Variants in ABCC1 observed in about 807,000 individuals in gnomAD.
ABCC1 encodes ATP binding cassette subfamily C member 1 (ABCC1 blood group).
Under a neutral mutation model 172.9 loss-of-function variants are expected in ABCC1, and 83 were observed. The observed-to-expected ratio is 0.48, with a 90% CI of 0.40 to 0.58. The LOEUF is 0.58. Ranked by LOEUF, ABCC1 falls within the 20% of genes least tolerant of loss-of-function variation. The pLI is 0.00. For missense variants in ABCC1, 1,817 were observed against 2,002.7 expected, an observed-to-expected ratio of 0.91 and a Z score of 1.77; for synonymous variants, 937 against 825.2, an observed-to-expected ratio of 1.14 and a Z score of -2.32.
Position 15,962,438 on chromosome 16 carries a change from T to A in ABCC1, c.48+12639T>A, listed in dbSNP as rs1405661448. Among the ~76,000 whole-genome samples, 4 of 152,164 alleles carry A rather than the reference T, an allele frequency of 2.6e-5. No individual in the cohort carries two copies. In the East Asian group the frequency reaches 7.7e-4, roughly 29 times the overall value. On this transcript the variant is annotated intron_variant, in intron 1 of 30. Coordinates refer to ENST00000399410, the MANE Select transcript of ABCC1 (RefSeq NM_004996.4). Reference sequence around the variant, plus strand: ...GTGTTCCATATGACAGAACAAACAATACAAAGATATTTAAATAAAGCCTGA... The same window carrying A: ...GTGTTCCATATGACAGAACAAACAAAACAAAGATATTTAAATAAAGCCTGA...
intron 29 of ABCC1, among the ~76,000 whole-genome samples, chr16:16,137,652 A>C (rs1214953488): frequency 7.2e-6 from 1 of 139,644 alleles, no homozygotes; most frequent in African/African-American, 2.7e-5. Context: ...CCCCAGGCTC[A>C]AGCAATTGTT....
At chr16:16,077,896 G>C (rs950778446) in intron 15 of ABCC1, among the ~76,000 whole-genome samples, 1 of 152,236 alleles carries the variant, frequency 6.6e-6, no homozygotes, top group African/African-American at 2.4e-5. Context: ...GGTGGTGCAT[G>C]CCTGTAATCC....
intron 1 of ABCC1, among the ~76,000 whole-genome samples, chr16:15,995,545 G>A (rs1337386139): frequency 1.3e-5 from 2 of 150,922 alleles, no homozygotes; most frequent in Non-Finnish European, 2.9e-5. Context: ...AGTTTTGGCC[G>A]CTTTGCATAA....
intron 14 of ABCC1, among the ~76,000 whole-genome samples, chr16:16,075,983 C>T (rs2050547455): frequency 6.8e-6 from 1 of 147,682 alleles, no homozygotes; most frequent in Non-Finnish European, 1.5e-5. Context: ...CTGCCCCGAA[C>T]CTGCCTGAGA....
chr16:16,115,732 C>T (rs919981702), intron 23 of ABCC1, among the ~76,000 whole-genome samples: 2 of 151,812 alleles, frequency 1.3e-5, no homozygotes, highest in African/African-American at 4.9e-5. Context: ...CTAATAGCAG[C>T]CTAAATAAGA....
At chr16:16,101,076 G>A (rs906178772) in intron 19 of ABCC1, among the ~76,000 whole-genome samples, 5 of 151,440 alleles carry the variant, frequency 3.3e-5, no homozygotes, top group African/African-American at 1.2e-4. Flanking sequence ...CTGTCACCCA[G>A]GCTGGAGTGT....
intron 19 of ABCC1, among the ~76,000 whole-genome samples, chr16:16,095,920 A>G (rs765214609): frequency 2.0e-5 from 3 of 152,162 alleles, no homozygotes; most frequent in Non-Finnish European, 4.4e-5. Context: ...AGTTTTTCTT[A>G]ATGATTATAA....
intron 5 of ABCC1, among the ~76,000 whole-genome samples, chr16:16,026,094 G>A (rs2048357834): frequency 6.6e-6 from 1 of 152,208 alleles, no homozygotes; most frequent in South Asian, 2.1e-4. Context: ...TACTTCAGAA[G>A]TTAGTTGTCT....
At position 15,997,867 on chromosome 16, in the gene ABCC1, A is replaced by G. The variant is rs148412479; in HGVS notation, c.49-9949A>G. On this transcript the variant is annotated intron_variant, in intron 1 of 30. Coordinates refer to ENST00000399410, the MANE Select transcript of ABCC1 (RefSeq NM_004996.4). Reference sequence around the variant, plus strand: ...CTCGCTCTGTCACCCAGGCTGGAGGACAATGACCTGATCTCTGCTCACTGC... The same window carrying G: ...CTCGCTCTGTCACCCAGGCTGGAGGGCAATGACCTGATCTCTGCTCACTGC... 4.5e-4 allele frequency among the ~76,000 whole-genome samples: 59 copies of G among 130,062 alleles called. 1 individual carries two copies. The East Asian group carries it at 0.013, about 29-fold the overall frequency. The allele number at this position is 130,062 out of a possible 152,430, so 85.3% of individuals were successfully genotyped here.
intron 10 of ABCC1, among the ~76,000 whole-genome samples, chr16:16,048,872 A>G (rs999154142): frequency 6.6e-6 from 1 of 152,138 alleles, no homozygotes; most frequent in Non-Finnish European, 1.5e-5. Context: ...AATGCCAGCT[A>G]CCTGGGAGGC....
chr16:15,984,509 C>T (rs868087073), intron 1 of ABCC1, among the ~76,000 whole-genome samples: 13 of 147,204 alleles, frequency 8.8e-5, no homozygotes, highest in South Asian at 2.1e-4. Flanking sequence ...GTGGCGTGAT[C>T]GTGGCTCACT....
In ABCC1 at chr16:16,107,491, T is replaced by C. The variant is rs374186297; in HGVS notation, c.2871+618T>C. On this transcript the variant is annotated intron_variant, in intron 21 of 30. Transcript: ENST00000399410. ...TTTTAGTAGAGACAGGGTTTCACCA[T>C]GTTGGCCAGGCTGGTCTTGAACTCC... is the stretch of plus-strand genomic sequence containing the variant. Among the ~76,000 whole-genome samples, 46 of 152,250 alleles carry C rather than the reference T, an allele frequency of 3.0e-4. No individual in the cohort carries two copies. The East Asian group carries it at 3.5e-3, about 12-fold the overall frequency.
chr16:16,004,852 A>G, intron 1 of ABCC1, among the ~76,000 whole-genome samples: 1 of 111,246 alleles, frequency 9.0e-6, no homozygotes, highest in East Asian at 2.4e-4. Context: ...TATAAAAATT[A>G]TGTTTTTATG....
chr16:16,084,902 T>A (rs1309733631), intron 17 of ABCC1, among the ~76,000 whole-genome samples: 2 of 152,234 alleles, frequency 1.3e-5, no homozygotes, highest in Non-Finnish European at 2.9e-5. Flanking sequence ...ATTACAGATG[T>A]TAACCACCTC....
At chr16:16,056,878 G>C (rs983209370) in intron 12 of ABCC1, among the ~76,000 whole-genome samples, 1 of 152,152 alleles carries the variant, frequency 6.6e-6, no homozygotes, top group African/African-American at 2.4e-5. Context: ...CATTAAGATA[G>C]CCTTGCAAGA....
intron 1 of ABCC1, among the ~76,000 whole-genome samples, chr16:15,980,885 A>C (rs2046606183): frequency 6.6e-6 from 1 of 152,218 alleles, no homozygotes; most frequent in Non-Finnish European, 1.5e-5. Context: ...ATTAGCCTGT[A>C]AAACTGAAAG....
chr16:16,137,688 G>A (rs1171550240), intron 29 of ABCC1, among the ~76,000 whole-genome samples: 1 of 150,784 alleles, frequency 6.6e-6, no homozygotes, highest in Non-Finnish European at 1.5e-5. Context: ...AAGTAGCTGG[G>A]ATGACAGGTG....
intron 5 of ABCC1, among the ~76,000 whole-genome samples, chr16:16,017,611 A>C (rs1328656860): frequency 6.6e-6 from 1 of 152,046 alleles, no homozygotes; most frequent in Non-Finnish European, 1.5e-5. Flanking sequence ...TAATAATTAA[A>C]GATGGGGAGA....
At chr16:15,959,686 A>C (rs1292103640) in intron 1 of ABCC1, among the ~76,000 whole-genome samples, 1 of 152,214 alleles carries the variant, frequency 6.6e-6, no homozygotes, top group Non-Finnish European at 1.5e-5. Flanking sequence ...AAAGTGCCCC[A>C]GGAGAAGTGG....
Sources: allele counts gnomAD v4.1 joint callset (sites outside exome capture counted in the v4.1 genomes callset), GRCh38; gene constraint gnomAD v4.1.1; transcripts MANE v1.5; gene names NCBI Gene and HGNC (gene_info 2026-07-23, HGNC 2026-07-21).